The following UNC5D variants were observed in gnomAD, a reference collection of about 807,000 sequenced individuals.
UNC5D encodes the protein netrin receptor UNC5D.
Under a neutral mutation model 105.4 loss-of-function variants are expected in UNC5D, and 39 were observed. The observed-to-expected ratio is 0.37, with a 90% CI of 0.29 to 0.48. The LOEUF (loss-of-function observed/expected upper bound fraction) is 0.48, where lower values mean the gene tolerates loss of function less well. UNC5D is among the 20% of genes least tolerant of loss of function. The probability of loss-of-function intolerance (pLI) is 0.98; values close to 1 mark genes in which losing one functional copy is unlikely to be tolerated. For missense variants in UNC5D, 991 were observed against 1,202.4 expected (o/e 0.82, Z 2.60); for synonymous variants, 452 against 450.4 (o/e 1.00, Z -0.04).
chr8:35,632,509 T>G (rs1298673419), intron 4 of UNC5D, among the ~76,000 whole-genome samples: 41 of 152,228 alleles, frequency 2.7e-4, no homozygotes, highest in Non-Finnish European at 1.5e-5. Context: ...CTGATACAGG[T>G]CACTTCTTTT....
intron 1 of UNC5D, among the ~76,000 whole-genome samples, chr8:35,284,614 G>A (rs1262771810): frequency 6.6e-6 from 1 of 152,090 alleles, no homozygotes; most frequent in African/African-American, 2.4e-5. Context: ...CAGTGCAGTG[G>A]CACGACCTCA....
intron 1 of UNC5D, among the ~76,000 whole-genome samples, chr8:35,385,757 G>A (rs781550541): frequency 6.6e-6 from 1 of 151,960 alleles, no homozygotes; most frequent in East Asian, 1.9e-4. Context: ...GAACCCCCAC[G>A]CCCGGCCTAC....
chr8:35,489,597 C>T (rs866681577), intron 1 of UNC5D, among the ~76,000 whole-genome samples: 1 of 152,180 alleles, frequency 6.6e-6, no homozygotes, highest in Non-Finnish European at 1.5e-5. Context: ...ATACCTTGAT[C>T]TTGGACTTTC....
chr8:35,360,261 T>G (rs1801788603), intron 1 of UNC5D, among the ~76,000 whole-genome samples: 1 of 152,212 alleles, frequency 6.6e-6, no homozygotes, highest in African/African-American at 2.4e-5. Context: ...GATTTCCTTT[T>G]ACATACAAAT....
At chr8:35,467,137 G>A (rs1282746811) in intron 1 of UNC5D, among the ~76,000 whole-genome samples, 2 of 152,188 alleles carry the variant, frequency 1.3e-5, no homozygotes, top group African/African-American at 2.4e-5. Flanking sequence ...GGTTTTGAGT[G>A]TGTAAGTTCA....
intron 3 of UNC5D, among the ~76,000 whole-genome samples, chr8:35,586,494 A>G (rs1818802218): frequency 6.6e-6 from 1 of 152,158 alleles, no homozygotes; most frequent in African/African-American, 2.4e-5. Flanking sequence ...AGGTGGAACC[A>G]CATGGAAGCA....
chr8:35,709,951 G>A (rs1827837253), intron 8 of UNC5D, among the ~76,000 whole-genome samples: 1 of 152,148 alleles, frequency 6.6e-6, no homozygotes, highest in Non-Finnish European at 1.5e-5. Context: ...ACTTTGTTTT[G>A]TTATAGTTTG....
chr8:35,737,954 A>G (rs1829560276), intron 11 of UNC5D, among the ~76,000 whole-genome samples: 1 of 152,084 alleles, frequency 6.6e-6, no homozygotes. Flanking sequence ...TAAATATGCA[A>G]AATTAGCCGG....
chr8:35,336,703 C>T (rs1256086687), intron 1 of UNC5D, among the ~76,000 whole-genome samples: 2 of 152,022 alleles, frequency 1.3e-5, no homozygotes, highest in South Asian at 2.1e-4. Flanking sequence ...CATTTTTTTC[C>T]TTTCAAATGT....
chr8:35,394,990 A>G (rs1279235577), intron 1 of UNC5D, among the ~76,000 whole-genome samples: 2 of 152,196 alleles, frequency 1.3e-5, no homozygotes, highest in African/African-American at 4.8e-5. Context: ...TGGATGGAGC[A>G]ATGGGAAGAC....
intron 4 of UNC5D, among the ~76,000 whole-genome samples, chr8:35,666,105 A>G (rs1234985772): frequency 6.6e-6 from 1 of 152,060 alleles, no homozygotes; most frequent in Non-Finnish European, 1.5e-5. Context: ...AGATAAATCT[A>G]TGACCACTTC....
chr8:35,280,139 G>A (rs1005849702), intron 1 of UNC5D, among the ~76,000 whole-genome samples: 51 of 152,046 alleles, frequency 3.4e-4, no homozygotes, highest in African/African-American at 1.1e-3. Context: ...GGGATTACAG[G>A]TGCCCACCAC....
At chr8:35,567,107 T>C (rs993476599) in intron 2 of UNC5D, among the ~76,000 whole-genome samples, 2 of 151,706 alleles carry the variant, frequency 1.3e-5, no homozygotes, top group African/African-American at 2.4e-5. Flanking sequence ...AAGGTTGTGG[T>C]CTTAATAGCT....
At chr8:35,406,773 A>T (rs1464738676) in intron 1 of UNC5D, among the ~76,000 whole-genome samples, 1 of 152,242 alleles carries the variant, frequency 6.6e-6, no homozygotes, top group East Asian at 1.9e-4. Context: ...CTTGTTCAAG[A>T]TCCTATAACT....
intron 2 of UNC5D, among the ~76,000 whole-genome samples, chr8:35,563,076 T>G (rs1032332324): frequency 6.6e-6 from 1 of 152,012 alleles, no homozygotes; most frequent in African/African-American, 2.4e-5. Flanking sequence ...TCAGAGTTCT[T>G]GGTGCCATTC....
At chr8:35,595,145 T>C (rs1474829916) in intron 3 of UNC5D, among the ~76,000 whole-genome samples, 2 of 152,204 alleles carry the variant, frequency 1.3e-5, no homozygotes, top group Non-Finnish European at 2.9e-5. Flanking sequence ...AGATTAATAA[T>C]GCACTCTTCA....
Position 35,405,429 on chromosome 8 carries a change from C to T in UNC5D, c.104-143863C>T, listed in dbSNP as rs184217711. Among the ~76,000 whole-genome samples, 234 of 152,250 alleles carry T rather than the reference C, an allele frequency of 1.5e-3. 1 individual carries two copies. Among genetic ancestry groups the T allele is most frequent in the African/African-American group, 5.4e-3 (226 of 41,530 alleles). On this transcript the variant is annotated intron_variant, in intron 1 of 16. Coordinates refer to ENST00000404895, the MANE Select transcript of UNC5D (RefSeq NM_080872.4). ...CTGGATTTAAGCTGAGCCTATGATG[C>T]CCATATTACCTTGTGCCAGATTTTG...
intron 2 of UNC5D, among the ~76,000 whole-genome samples, chr8:35,562,995 T>G (rs1354287148): frequency 6.6e-6 from 1 of 152,060 alleles, no homozygotes; most frequent in African/African-American, 2.4e-5. Context: ...CAGATAAGGG[T>G]CTAATTTCAT....
intron 16 of UNC5D, among the ~76,000 whole-genome samples, chr8:35,783,309 G>A (rs1450747825): frequency 6.6e-6 from 1 of 152,116 alleles, no homozygotes; most frequent in Non-Finnish European, 1.5e-5. Context: ...CTGGGTTGAA[G>A]TGACTTCTTT....
Sources: allele counts gnomAD v4.1 joint callset (sites outside exome capture counted in the v4.1 genomes callset), GRCh38; gene constraint gnomAD v4.1.1; transcripts MANE v1.5; gene names NCBI Gene and HGNC (gene_info 2026-07-23, HGNC 2026-07-21).